The following EYS variants were observed in gnomAD, a reference collection of about 807,000 sequenced individuals.
EYS encodes the protein EGF-like photoreceptor maintenance factor.
EYS carries 250 observed loss-of-function variants against 282.1 expected under a neutral mutation model. That is an observed-to-expected ratio of 0.89 (90% CI 0.80 to 0.98). The LOEUF is 0.98. Among genes scored for constraint, EYS ranks in the 50% least tolerant of loss-of-function variants. EYS has a pLI of 0.00. For missense variants in EYS, 4,016 were observed against 3,709.0 expected, an observed-to-expected ratio of 1.08 and a Z score of -2.15; for synonymous variants, 1,355 against 1,282.9, an observed-to-expected ratio of 1.06 and a Z score of -1.20.
chr6:63,763,869 G>GTTAT (rs1769711717), intron 40 of EYS, among the ~76,000 whole-genome samples: 1 of 90,644 alleles, frequency 1.1e-5, no homozygotes, highest in African/African-American at 5.2e-5. Flanking sequence ...GTTATATCTT[G>GTTAT]TTATATATAT....
At chr6:64,125,154 G>GCGCGCGCGCGCGCTCTCTCTCTCTCTC (rs1773724746) in intron 31 of EYS, among the ~76,000 whole-genome samples, 4 of 145,264 alleles carry the variant, frequency 2.8e-5, no homozygotes, top group African/African-American at 1.0e-4. Flanking sequence ...CACACTCTCT[G>GCGCGCGCGCGCGCTCTCTCTCTCTCTC]TCTCTCTCTC....
intron 14 of EYS, among the ~76,000 whole-genome samples, chr6:64,959,267 A>C (rs1480298672): frequency 6.6e-6 from 1 of 152,080 alleles, no homozygotes; most frequent in Non-Finnish European, 1.5e-5. Context: ...TTGCTGTAAA[A>C]CTCATTAATT....
At chr6:63,873,976 T>A (rs979491932) in intron 35 of EYS, among the ~76,000 whole-genome samples, 1 of 152,222 alleles carries the variant, frequency 6.6e-6, no homozygotes, top group Non-Finnish European at 1.5e-5. Flanking sequence ...TTTCTTTTGC[T>A]GTGCAGAAGC....
At chr6:64,104,902 C>G (rs757393941) in intron 31 of EYS, among the ~76,000 whole-genome samples, 49 of 152,078 alleles carry the variant, frequency 3.2e-4, no homozygotes, top group Admixed American at 7.2e-4. Context: ...TCTTTATAAA[C>G]TGTACAAATC....
chr6:65,465,862 C>T (rs1764980185), intron 5 of EYS, among the ~76,000 whole-genome samples: 1 of 152,020 alleles, frequency 6.6e-6, no homozygotes, highest in Non-Finnish European at 1.5e-5. Flanking sequence ...ATCCCAGCTA[C>T]TCATGAGGTT....
chr6:64,508,301 TA>T (rs1433569418), intron 26 of EYS, among the ~76,000 whole-genome samples: 1 of 130,600 alleles, frequency 7.7e-6, no homozygotes, highest in South Asian at 2.3e-4. Flanking sequence ...AATGTCCGTT[TA>T]AAGCTAAATA....
At chr6:64,690,326 C>T (rs1294892105) in intron 22 of EYS, among the ~76,000 whole-genome samples, 1 of 152,126 alleles carries the variant, frequency 6.6e-6, no homozygotes, top group Non-Finnish European at 1.5e-5. Context: ...AGTCAGGAAA[C>T]AACAGGTGCT....
At chr6:65,111,686 A>G (rs1775216238) in intron 12 of EYS, among the ~76,000 whole-genome samples, 1 of 152,084 alleles carries the variant, frequency 6.6e-6, no homozygotes, top group Non-Finnish European at 1.5e-5. Flanking sequence ...CATCTCTACT[A>G]AAAGTACAAA....
intron 2 of EYS, among the ~76,000 whole-genome samples, chr6:65,564,318 C>A (rs1340075265): frequency 1.3e-5 from 2 of 152,080 alleles, no homozygotes; most frequent in African/African-American, 4.8e-5. Context: ...ATAGCCAAGA[C>A]AATCCTAAGC....
At chr6:65,608,458 T>C (rs911100230) in intron 2 of EYS, among the ~76,000 whole-genome samples, 2 of 152,034 alleles carry the variant, frequency 1.3e-5, no homozygotes, top group African/African-American at 2.4e-5. Context: ...CACTATTGTA[T>C]ACTTCACAAA....
At chr6:64,215,528 G>A (rs548453092) in intron 31 of EYS, among the ~76,000 whole-genome samples, 1 of 152,116 alleles carries the variant, frequency 6.6e-6, no homozygotes, top group South Asian at 2.1e-4. Context: ...AAAAGTCAGA[G>A]ATAGTGCCTC....
Position 63,788,115 on chromosome 6 carries a change from A to G in EYS, c.7713T>C (p.Asn2571=), listed in dbSNP as rs1266571823. ...ATGTCCATGCCTTACCTTGAAAACC[A>G]TTTTTAAAATCTGCTCCATTTGGTA... ...DLLPNGADFK[N]GFQGCIFTLQ... Residue 2571 remains asparagine, a synonymous_variant, in exon 39 of 43, where the codon AAT becomes AAC. Coordinates refer to ENST00000503581, the MANE Select transcript of EYS (RefSeq NM_001142800.2). The G allele has an allele frequency of 1.4e-5, 21 of 1,535,630 alleles. 1 individual carries two copies. The East Asian group carries it at 4.7e-4, about 34-fold the overall frequency.
chr6:65,618,244 T>C (rs1471444133), intron 2 of EYS, among the ~76,000 whole-genome samples: 1 of 152,266 alleles, frequency 6.6e-6, no homozygotes, highest in South Asian at 2.1e-4. Flanking sequence ...TGATCGCCAT[T>C]CTAACTGGTG....
chr6:65,078,451 A>G lies in EYS; in HGVS notation c.2024-20724T>C, dbSNP rs150761027. 4.2e-3 allele frequency among the ~76,000 whole-genome samples: 642 copies of G among 152,206 alleles called. 7 individuals are homozygous for G. Among genetic ancestry groups the G allele is most frequent in the Admixed American group, 7.8e-3 (119 of 15,258 alleles). ...AACAAAGCAAGATTGCCAAGAAGAA[A>G]AATGCTTTTTAAATTATTCCTTTAA... On this transcript the variant is annotated intron_variant, in intron 12 of 42. Coordinates refer to ENST00000503581, the MANE Select transcript of EYS (RefSeq NM_001142800.2).
intron 19 of EYS, among the ~76,000 whole-genome samples, chr6:64,851,085 C>A (rs765048258): frequency 2.0e-5 from 3 of 151,878 alleles, no homozygotes; most frequent in Non-Finnish European, 4.4e-5. Context: ...CAAGGTCTGG[C>A]ATTTAGAGTG....
Position 65,057,686 on chromosome 6 carries a change from G to A in EYS, c.2065C>T (p.Pro689Ser), listed in dbSNP as rs1424142630. The A allele has an allele frequency of 6.4e-7, 1 of 1,550,950 alleles. No homozygotes were observed. The change falls in exon 13 of 43, where the codon CCC becomes TCC. Residue 689 changes from proline to serine, a missense_variant. Physicochemically the swap from Pro to Ser is moderately conservative, Grantham distance 74. Coordinates refer to ENST00000503581, the MANE Select transcript of EYS (RefSeq NM_001142800.2). ...ATGCAGGTGGCTCCATTTTTGCAGG[G>A]ATGTGAAGCACACTCATCTATATCA... ...EIDIDECASH[P>S]CKNGATCIDQ...
At chr6:65,075,676 T>G (rs906793549) in intron 12 of EYS, among the ~76,000 whole-genome samples, 3 of 151,718 alleles carry the variant, frequency 2.0e-5, no homozygotes, top group African/African-American at 7.2e-5. Flanking sequence ...TACTAGTTCC[T>G]GCATCTATGG....
chr6:64,451,113 A>C (rs1775319876), intron 26 of EYS, among the ~76,000 whole-genome samples: 1 of 152,152 alleles, frequency 6.6e-6, no homozygotes, highest in East Asian at 1.9e-4. Flanking sequence ...ACTGCTAGCA[A>C]GACTAATAAG....
intron 2 of EYS, among the ~76,000 whole-genome samples, chr6:65,533,442 C>G (rs1767855143): frequency 6.6e-6 from 1 of 152,074 alleles, no homozygotes; most frequent in Admixed American, 6.6e-5. Flanking sequence ...TGAAACTACC[C>G]CAATCAATAG....
Sources: allele counts gnomAD v4.1 joint callset (sites outside exome capture counted in the v4.1 genomes callset), GRCh38; gene constraint gnomAD v4.1.1; transcripts MANE v1.5; gene names NCBI Gene and HGNC (gene_info 2026-07-23, HGNC 2026-07-21).